Variants in MEGF11 observed in about 807,000 individuals in gnomAD.
The protein encoded by MEGF11 is multiple epidermal growth factor-like domains protein 11.
Under a neutral mutation model 146.6 loss-of-function variants are expected in MEGF11, and 126 were observed. That is an observed-to-expected ratio of 0.86 (90% CI 0.74 to 1.00). The LOEUF (loss-of-function observed/expected upper bound fraction) is 1.00. Among genes scored for constraint, MEGF11 ranks in the 50% least tolerant of loss-of-function variants. The probability of loss-of-function intolerance (pLI) is 0.00; values close to 1 mark genes in which losing one functional copy is unlikely to be tolerated. For synonymous variants in MEGF11, 532 were observed against 583.4 expected (o/e 0.91, Z 1.27); for missense variants, 1,509 against 1,521.2 (o/e 0.99, Z 0.13).
intron 4 of MEGF11, among the ~76,000 whole-genome samples, chr15:66,117,797 A>C (rs1331530112): frequency 6.6e-6 from 1 of 152,142 alleles, no homozygotes; most frequent in Non-Finnish European, 1.5e-5. Flanking sequence ...GCCTCATCCT[A>C]GCTCAGTCCT....
chr15:66,126,221 G>A (rs2088335177), intron 2 of MEGF11, among the ~76,000 whole-genome samples: 1 of 152,124 alleles, frequency 6.6e-6, no homozygotes. Flanking sequence ...GTGTGTTTCT[G>A]GAACAACACA....
At chr15:66,144,843 C>T (rs1200159647) in intron 1 of MEGF11, among the ~76,000 whole-genome samples, 1 of 152,236 alleles carries the variant, frequency 6.6e-6, no homozygotes, top group African/African-American at 2.4e-5. Context: ...CCTTCTCTCT[C>T]CCTATCTATC....
chr15:66,179,333 A>G (rs1021950617), intron 1 of MEGF11, among the ~76,000 whole-genome samples: 35 of 152,236 alleles, frequency 2.3e-4, no homozygotes, highest in African/African-American at 7.9e-4. Context: ...GGGTTTCACC[A>G]TGTTGGCCAG....
At chr15:66,184,259 G>A (rs1360898688) in intron 1 of MEGF11, among the ~76,000 whole-genome samples, 3 of 152,068 alleles carry the variant, frequency 2.0e-5, no homozygotes, top group Non-Finnish European at 4.4e-5. Flanking sequence ...AACAAAAAAA[G>A]AATCTAGGTG....
At chr15:66,172,995 T>C (rs1454821860) in intron 1 of MEGF11, among the ~76,000 whole-genome samples, 1 of 151,822 alleles carries the variant, frequency 6.6e-6, no homozygotes, top group East Asian at 1.9e-4. Flanking sequence ...GGGAGGGGAG[T>C]GTTCAAGGTG....
At position 66,025,048 on chromosome 15, in the gene MEGF11, T is replaced by C. The variant is rs1312542320; in HGVS notation, c.395-42560A>G. Among the ~76,000 whole-genome samples, 3 of 149,760 alleles carry C rather than the reference T, an allele frequency of 2.0e-5. No homozygotes were observed. In the East Asian group the frequency reaches 5.9e-4, roughly 29 times the overall value. Reference sequence around the variant, plus strand: ...GCAGGAGATCAAAGCTGGCCTGGAGTGAGCCCCTCACTGGATAATGAAGAT... The same window carrying C: ...GCAGGAGATCAAAGCTGGCCTGGAGCGAGCCCCTCACTGGATAATGAAGAT... On this transcript the variant is annotated intron_variant, in intron 5 of 25. Transcript: ENST00000395614.
At chr15:65,993,101 C>A (rs1387556720) in intron 5 of MEGF11, among the ~76,000 whole-genome samples, 1 of 152,184 alleles carries the variant, frequency 6.6e-6, no homozygotes, top group Non-Finnish European at 1.5e-5. Context: ...TACCTGCGCT[C>A]CCGGCAGGAG....
intron 5 of MEGF11, among the ~76,000 whole-genome samples, chr15:66,011,858 T>A (rs531691213): frequency 2.0e-5 from 3 of 152,194 alleles, no homozygotes; most frequent in African/African-American, 7.2e-5. Flanking sequence ...AAAGGAACAG[T>A]TATGCCATGA....
intron 9 of MEGF11, among the ~76,000 whole-genome samples, chr15:65,959,019 G>A (rs536581533): frequency 2.0e-5 from 3 of 152,306 alleles, no homozygotes; most frequent in South Asian, 2.1e-4. Context: ...ACCTTGCCCC[G>A]CTGGACCATT....
At chr15:66,123,000 A>G (rs147259654) in intron 3 of MEGF11, among the ~76,000 whole-genome samples, 3,399 of 152,002 alleles carry the variant, frequency 0.022, 50 homozygotes, top group East Asian at 0.062. Flanking sequence ...AGCCAGGATG[A>G]TCTCGTTCTC....
At chr15:66,023,214 C>T (rs1007461854) in intron 5 of MEGF11, among the ~76,000 whole-genome samples, 9 of 151,704 alleles carry the variant, frequency 5.9e-5, no homozygotes, top group Non-Finnish European at 1.3e-4. Context: ...ATGGAGATTC[C>T]ACTCTTTCAC....
chr15:66,138,258 G>C (rs1197778916), intron 1 of MEGF11, among the ~76,000 whole-genome samples: 1 of 152,114 alleles, frequency 6.6e-6, no homozygotes, highest in East Asian at 1.9e-4. Flanking sequence ...AGGGACACAG[G>C]CCACTTAGGG....
chr15:66,108,829 TC>T (rs1206108972), intron 4 of MEGF11, among the ~76,000 whole-genome samples: 1 of 152,122 alleles, frequency 6.6e-6, no homozygotes, highest in Non-Finnish European at 1.5e-5. Context: ...ATTGGCAAGT[TC>T]CCGTAGAGAA....
intron 10 of MEGF11, among the ~76,000 whole-genome samples, chr15:65,944,246 C>A (rs1256601985): frequency 6.6e-6 from 1 of 152,158 alleles, no homozygotes; most frequent in African/African-American, 2.4e-5. Flanking sequence ...AAAACATCCA[C>A]AATGTGCCAC....
intron 1 of MEGF11, among the ~76,000 whole-genome samples, chr15:66,244,665 G>T (rs558974334): frequency 4.6e-5 from 7 of 152,186 alleles, no homozygotes; most frequent in African/African-American, 1.7e-4. Flanking sequence ...GACTTCACAG[G>T]GTGGTTACCA....
At chr15:66,051,784 G>T (rs1053823770) in intron 5 of MEGF11, among the ~76,000 whole-genome samples, 3 of 152,198 alleles carry the variant, frequency 2.0e-5, no homozygotes, top group Non-Finnish European at 2.9e-5. Flanking sequence ...GGGCTCACTG[G>T]TCGATTTCGG....
chr15:65,998,372 A>C (rs1388015607), intron 5 of MEGF11, among the ~76,000 whole-genome samples: 4 of 152,148 alleles, frequency 2.6e-5, no homozygotes, highest in African/African-American at 9.7e-5. Context: ...CCAGGTAAGA[A>C]AGACACAGCC....
chr15:66,152,000 C>A (rs2089588202), intron 1 of MEGF11, among the ~76,000 whole-genome samples: 1 of 152,252 alleles, frequency 6.6e-6, no homozygotes, highest in Non-Finnish European at 1.5e-5. Flanking sequence ...GCAGCACCGC[C>A]CTTCACCCCT....
chr15:65,970,702 T>G lies in MEGF11; in HGVS notation c.763-13A>C, dbSNP rs371260422. Reference sequence around the variant, plus strand: ...CACACACTGCTCCCTAAAAGAAAGGTGGGAAGACATGCATGGCGGTGCTCC... The same window carrying G: ...CACACACTGCTCCCTAAAAGAAAGGGGGGAAGACATGCATGGCGGTGCTCC... On this transcript the variant is annotated splice_polypyrimidine_tract_variant and intron_variant, in intron 7 of 25. Transcript: ENST00000395614. The G allele has an allele frequency of 1.1e-5, 17 of 1,603,980 alleles. 1 individual carries two copies. The highest frequency in any genetic ancestry group is 8.0e-5 in the African/African-American group (6 of 74,702).
Sources: allele counts gnomAD v4.1 joint callset (sites outside exome capture counted in the v4.1 genomes callset), GRCh38; gene constraint gnomAD v4.1.1; transcripts MANE v1.5; gene names NCBI Gene and HGNC (gene_info 2026-07-23, HGNC 2026-07-21).